DNAJA4: variants seen among roughly 807,000 people sequenced by gnomAD.
DNAJA4 encodes the protein DnaJ heat shock protein family (Hsp40) member A4.
Under a neutral mutation model 39.7 loss-of-function variants are expected in DNAJA4, and 32 were observed. That is an observed-to-expected ratio of 0.81 (90% CI 0.61 to 1.08). The LOEUF is 1.08. DNAJA4 is among the 50% of genes least tolerant of loss of function. The pLI, the probability that DNAJA4 is intolerant of heterozygous loss-of-function variation, is 0.00. For synonymous variants in DNAJA4, 184 were observed against 182.4 expected (o/e 1.01, Z -0.07); for missense variants, 439 against 505.1 (o/e 0.87, Z 1.25).
At position 78,264,901 on chromosome 15, in the gene DNAJA4, G is replaced by A. The variant is rs1344504255; in HGVS notation, c.132+6G>A. 5 of 1,583,812 alleles carry A rather than the reference G, an allele frequency of 3.2e-6. No homozygotes were observed. The South Asian group carries it at 3.4e-5, about 11-fold the overall frequency. ...ACCCGGATGAGGGCGAGAAGGTGCGGGGCGGCGCGGGGCACGGGCCGGGCT... is the reference window on the plus strand; with the variant it reads ...ACCCGGATGAGGGCGAGAAGGTGCGAGGCGGCGCGGGGCACGGGCCGGGCT... On this transcript the variant is annotated splice_donor_region_variant and intron_variant, in intron 1 of 6. Transcript: ENST00000394852.
chr15:78,278,485 T>G (rs1291404247), intron 5 of DNAJA4, among the ~76,000 whole-genome samples: 1 of 152,232 alleles, frequency 6.6e-6, no homozygotes, highest in Non-Finnish European at 1.5e-5. Context: ...GCTCCTGGGC[T>G]AAAACCTGCA....
At chr15:78,273,059 A>C in intron 2 of DNAJA4, 36 bp from the exon 3 acceptor site, 2 of 1,213,842 alleles carry the variant, frequency 1.6e-6, no homozygotes, top group Non-Finnish European at 2.4e-6. Context: ...GGTATATTTC[A>C]TTCAACGCCA....
chr15:78,279,595 C>A lies in DNAJA4; in HGVS notation c.878-450C>A, dbSNP rs1223050846. 6 of 164,706 alleles carry A rather than the reference C, an allele frequency of 3.6e-5. No individual in the cohort carries two copies. Among genetic ancestry groups the A allele is most frequent in the Admixed American group, 3.4e-4 (6 of 17,798 alleles). 10.2% of individuals were successfully genotyped at this position (164,706 alleles called of 1,614,324 possible). On this transcript the variant is annotated intron_variant, in intron 5 of 6. Coordinates refer to ENST00000394852, the MANE Select transcript of DNAJA4 (RefSeq NM_001130182.2). The surrounding 1 kb of genome is among the most constrained non-coding windows in gnomAD (Gnocchi z 4.5). ...GTGTCACCTGCAGGTGGCCAAGAGC[C>A]AGTTTTTATGCCAGGCAGGGGACTG...
Position 78,275,511 on chromosome 15 carries a change from G to T in DNAJA4, c.660G>T (p.Gly220=), listed in dbSNP as rs967821. The part of the protein sequence containing the change: ...EVHVEKGMKD[G]QKILFHGEGD... ...GATGTTTCATAGGTATGAAAGATGG[G>T]CAAAAGATACTATTTCATGGAGAAG... The change falls in exon 5 of 7, where the codon GGG becomes GGT. Residue 220 remains glycine, a synonymous_variant. Coordinates refer to ENST00000394852, the MANE Select transcript of DNAJA4 (RefSeq NM_001130182.2). The T allele has an allele frequency of 0.18, 288,308 of 1,611,998 alleles. 27,449 individuals carry two copies. Among genetic ancestry groups the T allele is most frequent in the Admixed American group, 0.32 (19,343 of 59,956 alleles).
At position 78,275,721 on chromosome 15, in the gene DNAJA4, C is replaced by T. The variant is rs1485227295; in HGVS notation, c.870C>T (p.Ser290=). 2 of 1,601,638 alleles carry T rather than the reference C, an allele frequency of 1.2e-6. No individual in the cohort carries two copies. Among genetic ancestry groups the T allele is most frequent in the African/African-American group, 1.3e-5 (1 of 74,804 alleles). Residue 290 remains serine, a synonymous_variant, in exon 5 of 7, where the codon TCC becomes TCT. Coordinates refer to ENST00000394852, the MANE Select transcript of DNAJA4 (RefSeq NM_001130182.2). ...TLDNRILVIT[S]KAGEVIKHGD... ...ACAATCGAATTCTTGTTATTACATC[C>T]AAAGCAGGTAATGTTTCAAAGTGTG...
At chr15:78,267,267 T>C (rs1257942733) in intron 1 of DNAJA4, among the ~76,000 whole-genome samples, 2 of 152,142 alleles carry the variant, frequency 1.3e-5, no homozygotes, top group African/African-American at 4.8e-5. Flanking sequence ...AATTTTTTTT[T>C]CCTCCTAAGT....
At chr15:78,267,168 G>A (rs71402942) in intron 1 of DNAJA4, among the ~76,000 whole-genome samples, 8 of 102,414 alleles carry the variant, frequency 7.8e-5, no homozygotes, top group Middle Eastern at 6.0e-3. Context: ...GTATGTGAGT[G>A]TGTGAGTGTG....
At chr15:78,269,578 C>T (rs1023067407) in intron 1 of DNAJA4, among the ~76,000 whole-genome samples, 4 of 152,116 alleles carry the variant, frequency 2.6e-5, no homozygotes, top group Admixed American at 1.3e-4. Context: ...CTAAGTGCTG[C>T]GTGTTTCTCT....
In DNAJA4 at chr15:78,281,344, G is replaced by A. The variant is rs1404642556; in HGVS notation, c.*884G>A. On this transcript the variant is annotated 3_prime_UTR_variant, in exon 7 of 7. Coordinates refer to ENST00000394852, the MANE Select transcript of DNAJA4 (RefSeq NM_001130182.2). ...GCTGGTTTGGCCCATGGCACAGCCAGCTTCTCTGACCAGTAATCCGGGGTG... is the reference window on the plus strand; with the variant it reads ...GCTGGTTTGGCCCATGGCACAGCCAACTTCTCTGACCAGTAATCCGGGGTG... 6.5e-6 allele frequency: 1 copy of A among 152,678 alleles called. No homozygotes were observed. Among genetic ancestry groups the A allele is most frequent in the Non-Finnish European group, 1.5e-5 (1 of 68,058 alleles). 9.5% of individuals were successfully genotyped at this position (152,678 alleles called of 1,614,324 possible). A position where few individuals can be genotyped will look rare whatever the true frequency, so the allele number is the denominator to read the frequency against.
chr15:78,280,077 G>A lies in DNAJA4; in HGVS notation c.910G>A (p.Val304Met), dbSNP rs201639861. The change falls in exon 6 of 7, where the codon GTG becomes ATG. Residue 304 changes from valine (V) to methionine (M), a missense_variant. Physicochemically the swap from Val to Met is conservative, Grantham distance 21. Coordinates refer to ENST00000394852, the MANE Select transcript of DNAJA4 (RefSeq NM_001130182.2). Reference sequence around the variant, plus strand: ...GATAAAGCACGGGGACCTGAGATGCGTGCGCGATGAAGGAATGCCCATCTA... The same window carrying A: ...GATAAAGCACGGGGACCTGAGATGCATGCGCGATGAAGGAATGCCCATCTA... ...EVIKHGDLRCVRDEGMPIYKA... is the reference protein window; with the variant it reads ...EVIKHGDLRCMRDEGMPIYKA... The A allele has an allele frequency of 3.5e-5, 56 of 1,614,226 alleles. No homozygotes were observed. The highest frequency in any genetic ancestry group is 4.5e-5 in the East Asian group (2 of 44,892).
chr15:78,275,981 A>G (rs1054518973), intron 5 of DNAJA4, among the ~76,000 whole-genome samples: 2 of 152,198 alleles, frequency 1.3e-5, no homozygotes, highest in African/African-American at 4.8e-5. Flanking sequence ...TGTTACACAA[A>G]TTAGTATGAT....
intron 4 of DNAJA4, 159 bp from the exon 5 acceptor site, chr15:78,275,339 T>C (rs1302647428): frequency 6.5e-6 from 4 of 615,486 alleles, no homozygotes; most frequent in Non-Finnish European, 1.1e-5. Flanking sequence ...TCTTCTGTCA[T>C]TGGCCATCCT....
At chr15:78,264,929 C>T (rs2049079005) in intron 1 of DNAJA4, 34 bp downstream of exon 1, 2 of 1,546,006 alleles carry the variant, frequency 1.3e-6, no homozygotes, top group Non-Finnish European at 1.7e-6. Context: ...GCCGGGCTCC[C>T]GAGGGGCCAA....
chr15:78,279,932 CT>C lies in DNAJA4; in HGVS notation c.878-110del. On this transcript the variant is annotated intron_variant, in intron 5 of 6. Coordinates refer to ENST00000394852, the MANE Select transcript of DNAJA4 (RefSeq NM_001130182.2). The surrounding 1 kb of genome is among the most constrained non-coding windows in gnomAD (Gnocchi z 4.5). ...GCTTTCCAGTCAGATGCCACGTTTC[CT>C]TTGCCCACTGCCACGGGGCACTAGG... The C allele has an allele frequency of 2.1e-6, 2 of 947,358 alleles. No homozygotes were observed. The highest frequency in any genetic ancestry group is 1.6e-6 in the Non-Finnish European group (1 of 620,822). 58.7% of individuals were successfully genotyped at this position (947,358 alleles called of 1,614,324 possible). A position where few individuals can be genotyped will look rare whatever the true frequency, so the allele number is the denominator to read the frequency against.
rs759776822 is a variant in DNAJA4, at chr15:78,274,228, G to C, written c.450G>C (p.Lys150Asn). Residue 150 changes from lysine to asparagine, a missense_variant, in exon 4 of 7, where the codon AAG becomes AAC. Coordinates refer to ENST00000394852, the MANE Select transcript of DNAJA4 (RefSeq NM_001130182.2). ...GVGGKKGSVE[K>N]CPLCKGRGMQ... The stretch of plus-strand genomic sequence containing the variant: ...GTGGGAAGAAGGGATCGGTGGAGAA[G>C]TGCCCGCTGTGCAAGGGGCGGGGGA... 1.2e-6 allele frequency: 2 copies of C among 1,614,028 alleles called. No homozygotes were observed.
intron 5 of DNAJA4, chr15:78,278,207 C>A (rs1223923226): frequency 2.2e-6 from 1 of 456,062 alleles, no homozygotes. Context: ...TCTTCTCTTA[C>A]CTGTAGTTTT....
chr15:78,280,401 G>T lies in DNAJA4; in HGVS notation c.1135G>T (p.Glu379Ter). Residue 379 changes from glutamate (E) to a stop codon, truncating the protein, a stop_gained, in exon 7 of 7, where the codon GAG (glutamate) becomes TAG (stop). Transcript: ENST00000394852. LOFTEE classifies it high-confidence loss of function. ...TGAGCAGAACTGGCGTCAGCACAGG[G>T]AGGCCTACGAGGAGGACGAAGACGG... is the stretch of plus-strand genomic sequence containing the variant. ...PNEQNWRQHREAYEEDEDGPQ... is the reference protein window; with the variant it reads ...PNEQNWRQHR The T allele has an allele frequency of 3.1e-6, 5 of 1,614,058 alleles. No homozygotes were observed. Among genetic ancestry groups the T allele is most frequent in the Non-Finnish European group, 4.2e-6 (5 of 1,180,020 alleles).
intron 2 of DNAJA4, among the ~76,000 whole-genome samples, chr15:78,271,146 A>G (rs1487865605): frequency 2.6e-5 from 4 of 152,234 alleles, no homozygotes; most frequent in African/African-American, 4.8e-5. Flanking sequence ...TCTAGTGCTC[A>G]GGCTACCTGG....
At chr15:78,273,005 G>T in intron 2 of DNAJA4, 90 bp from the exon 3 acceptor site, 1 of 781,720 alleles carries the variant, frequency 1.3e-6, no homozygotes, top group South Asian at 1.6e-5. Flanking sequence ...AGTCTCTGGA[G>T]ACTTCATACA....
Sources: allele counts gnomAD v4.1 joint callset (sites outside exome capture counted in the v4.1 genomes callset), GRCh38; gene constraint gnomAD v4.1.1; non-coding constraint Gnocchi (gnomAD v3.1); transcripts MANE v1.5; gene names NCBI Gene and HGNC (gene_info 2026-07-23, HGNC 2026-07-21).